RAB37: variants seen among roughly 807,000 people sequenced by gnomAD.
RAB37 encodes ras-related protein Rab-37.
A neutral mutation model predicts 33.1 loss-of-function variants in RAB37; 29 were observed. The ratio of observed to expected loss-of-function variants is 0.88; its 90% CI spans 0.65 to 1.20. The LOEUF is 1.20. Ranked by LOEUF, RAB37 falls within the 50% of genes most tolerant of loss-of-function variation. RAB37 has a pLI of 0.00. For missense variants in RAB37, 299 were observed against 301.1 expected, an observed-to-expected ratio of 0.99 and a Z score of 0.05; for synonymous variants, 128 against 119.5, an observed-to-expected ratio of 1.07 and a Z score of -0.47.
chr17:74,721,433 C>CT lies in RAB37; in HGVS notation c.73-7806dup, dbSNP rs1365134844. Among the ~76,000 whole-genome samples, 1,116 of 138,370 alleles carry CT rather than the reference C, an allele frequency of 8.1e-3. 7 individuals carry two copies. The highest frequency in any genetic ancestry group is 0.011 in the Non-Finnish European group (691 of 63,076). 90.8% of individuals were successfully genotyped at this position (138,370 alleles called of 152,430 possible). On this transcript the variant is annotated intron_variant, in intron 1 of 7. Coordinates refer to the RAB37 transcript ENST00000340415. ...ATCCTTATACACATATCTTGGTTTA[C>CT]TTTTTTTTTTTTTTTTTGAGATGGA... is the stretch of plus-strand genomic sequence containing the variant.
Position 74,696,296 on chromosome 17 carries a change from A to G in RAB37, c.72+24638A>G. 3.4e-6 allele frequency: 5 copies of G among 1,469,144 alleles called. No individual in the cohort carries two copies. In the South Asian group the frequency reaches 6.8e-5, roughly 20 times the overall value. 91.0% of individuals were successfully genotyped at this position (1,469,144 alleles called of 1,614,324 possible). ...GAACCCCCAGGTCTAGGGAAGAGAA[A>G]TATGGAAGAAAAGAGGTGAATTGGG... On this transcript the variant is annotated intron_variant, in intron 1 of 7. Coordinates refer to the RAB37 transcript ENST00000340415.
At chr17:74,689,280 T>C (rs1323561312) in intron 1 of RAB37, among the ~76,000 whole-genome samples, 1 of 151,910 alleles carries the variant, frequency 6.6e-6, no homozygotes, top group African/African-American at 2.4e-5. Flanking sequence ...CCGTTTCTAC[T>C]AAAAATACAA....
chr17:74,729,628 A>G lies in RAB37; in HGVS notation c.183+262A>G, dbSNP rs59727617. Among the ~76,000 whole-genome samples the G allele has an allele frequency of 0.12, 18,376 of 151,860 alleles. 3,128 individuals are homozygous for G. Among genetic ancestry groups the G allele is most frequent in the African/African-American group, 0.37 (15,490 of 41,316 alleles). Reference sequence around the variant, plus strand: ...CCTCACCAGAACCCAGGGACAAAGCAGGCTGCTGGGTGAGCTGCCTGGCAG... The same window carrying G: ...CCTCACCAGAACCCAGGGACAAAGCGGGCTGCTGGGTGAGCTGCCTGGCAG... On this transcript the variant is annotated intron_variant, in intron 2 of 7. Coordinates refer to the RAB37 transcript ENST00000340415. This position sits in a 1 kb window ranked among gnomAD's most constrained non-coding sequence, Gnocchi z 4.2.
intron 1 of RAB37, among the ~76,000 whole-genome samples, chr17:74,726,040 T>A (rs2034302230): frequency 6.6e-6 from 1 of 151,732 alleles, no homozygotes; most frequent in Non-Finnish European, 1.5e-5. Context: ...ATCGAGACCA[T>A]CCTGGCTAAC....
In RAB37 at chr17:74,713,096, G is replaced by A. The variant is rs1022393007; in HGVS notation, c.73-16160G>A. On this transcript the variant is annotated intron_variant, in intron 1 of 7. Transcript: ENST00000340415. ...CCAAGGCGGGCGGATCACGAGATCA[G>A]GAGTTCAAGATCAGCCTGGCCAACA... 1.6e-4 allele frequency: 84 copies of A among 512,776 alleles called. 1 individual carries two copies. The highest frequency in any genetic ancestry group is 3.3e-5 in the Admixed American group (1 of 30,336). 31.8% of individuals were successfully genotyped at this position (512,776 alleles called of 1,614,324 possible). A position where few individuals can be genotyped will look rare whatever the true frequency, so the allele number is the denominator to read the frequency against.
At chr17:74,691,306 C>T (rs912170897) in intron 1 of RAB37, among the ~76,000 whole-genome samples, 3 of 151,986 alleles carry the variant, frequency 2.0e-5, no homozygotes, top group African/African-American at 7.3e-5. Flanking sequence ...AGCCCAGAAT[C>T]GTTAAGAATT....
At chr17:74,712,467 A>G (rs2034037216) in intron 1 of RAB37, among the ~76,000 whole-genome samples, 1 of 152,090 alleles carries the variant, frequency 6.6e-6, no homozygotes, top group African/African-American at 2.4e-5. Context: ...CTTGCTCAGA[A>G]CACCTCCACG....
chr17:74,693,019 T>A (rs1427840794), intron 1 of RAB37, among the ~76,000 whole-genome samples: 3 of 151,826 alleles, frequency 2.0e-5, no homozygotes, highest in Non-Finnish European at 4.4e-5. Flanking sequence ...ATGGGGAAAA[T>A]GACAAACACA....
intron 1 of RAB37, among the ~76,000 whole-genome samples, chr17:74,685,517 G>A (rs2032036827): frequency 6.6e-6 from 1 of 152,152 alleles, no homozygotes; most frequent in African/African-American, 2.4e-5. Context: ...ATCACAGCCT[G>A]ATGGGTCTGC....
intron 1 of RAB37, among the ~76,000 whole-genome samples, chr17:74,716,747 A>AGATC (rs2034169762): frequency 6.6e-6 from 1 of 152,104 alleles, no homozygotes; most frequent in Admixed American, 6.6e-5. Flanking sequence ...AACAGCCCTT[A>AGATC]GATCCTGCTC....
At chr17:74,688,053 A>C (rs977366241) in intron 1 of RAB37, among the ~76,000 whole-genome samples, 1 of 152,132 alleles carries the variant, frequency 6.6e-6, no homozygotes, top group Non-Finnish European at 1.5e-5. Context: ...CACTTAACCA[A>C]CTTATTAGGT....
chr17:74,675,879 A>C (rs1046556466), intron 1 of RAB37, among the ~76,000 whole-genome samples: 1 of 152,232 alleles, frequency 6.6e-6, no homozygotes, highest in African/African-American at 2.4e-5. Context: ...CTGGGAACTG[A>C]CTGAAAACAT....
In RAB37 at chr17:74,689,446, AAAAAAAG is replaced by A. The variant is rs796314821; in HGVS notation, c.72+17799_72+17805del. 1.6e-4 allele frequency among the ~76,000 whole-genome samples: 25 copies of A among 152,286 alleles called. 1 individual carries two copies. Among genetic ancestry groups the A allele is most frequent in the African/African-American group, 5.8e-4 (24 of 41,558 alleles). On this transcript the variant is annotated intron_variant, in intron 1 of 7. Transcript: ENST00000340415. The stretch of plus-strand genomic sequence containing the variant: ...TGACAGAGCAAGACTCTGTCTGGAA[AAAAAAAG>A]AAAAAAGAAAGAAAGAAAAGAAAAA...
At chr17:74,717,156 TAAAAC>T (rs1455534773) in intron 1 of RAB37, among the ~76,000 whole-genome samples, 1 of 152,086 alleles carries the variant, frequency 6.6e-6, no homozygotes, top group African/African-American at 2.4e-5. Context: ...TAAAATGAAA[TAAAAC>T]AAATTTCAGA....
At chr17:74,720,779 C>G (rs977714552) in intron 1 of RAB37, among the ~76,000 whole-genome samples, 2 of 152,056 alleles carry the variant, frequency 1.3e-5, no homozygotes, top group African/African-American at 2.4e-5. Flanking sequence ...ACACCCTGCT[C>G]TCTTGGTACC....
intron 1 of RAB37, among the ~76,000 whole-genome samples, chr17:74,681,322 C>G (rs768811967): frequency 4.6e-5 from 7 of 152,346 alleles, no homozygotes; most frequent in African/African-American, 7.2e-5. Flanking sequence ...CCCAAAGTCC[C>G]AGGATGGGGC....
At chr17:74,706,566 G>A (rs1391427938) in intron 1 of RAB37, among the ~76,000 whole-genome samples, 1 of 152,146 alleles carries the variant, frequency 6.6e-6, no homozygotes, top group Non-Finnish European at 1.5e-5. Flanking sequence ...TACTCGGGAG[G>A]CTGAGGCAAG....
intron 1 of RAB37, among the ~76,000 whole-genome samples, chr17:74,692,183 C>T (rs2032171270): frequency 6.6e-6 from 1 of 151,826 alleles, no homozygotes; most frequent in African/African-American, 2.4e-5. Flanking sequence ...GACTTTTATT[C>T]TTATACCTTG....
chr17:74,724,238 G>A (rs367773777), intron 1 of RAB37, among the ~76,000 whole-genome samples: 2 of 152,196 alleles, frequency 1.3e-5, no homozygotes, highest in Non-Finnish European at 2.9e-5. Context: ...AAGTGCATTG[G>A]TTTGGTCTGG....
Sources: gnomAD v4.1 joint callset for allele counts (sites outside exome capture counted in the v4.1 genomes callset) on GRCh38, gnomAD v4.1.1 for gene constraint, Gnocchi (gnomAD v3.1) non-coding constraint, MANE v1.5 for transcripts, NCBI Gene and HGNC (gene_info 2026-07-23, HGNC 2026-07-21) for gene names.